The following RANGAP1 variants were observed in gnomAD, a reference collection of about 807,000 sequenced individuals.
RANGAP1 encodes the protein ran GTPase-activating protein 1.
Under a neutral mutation model 63.5 loss-of-function variants are expected in RANGAP1, and 38 were observed. The ratio of observed to expected loss-of-function variants is 0.60; its 90% confidence interval spans 0.46 to 0.78. The LOEUF (loss-of-function observed/expected upper bound fraction) is 0.78, where lower values mean the gene tolerates loss of function less well. Among genes scored for constraint, RANGAP1 ranks in the 30% least tolerant of loss-of-function variants. The pLI, the probability that RANGAP1 is intolerant of heterozygous loss-of-function variation, is 0.00. For missense variants in RANGAP1, 630 were observed against 740.3 expected, an observed-to-expected ratio of 0.85 and a Z score of 1.73; for synonymous variants, 329 against 310.5, an observed-to-expected ratio of 1.06 and a Z score of -0.63.
At position 41,277,999 on chromosome 22, in the gene RANGAP1, G is replaced by T. The variant is rs368306524; in HGVS notation, c.112+2934C>A. On this transcript the variant is annotated intron_variant, in intron 2 of 15. Coordinates refer to ENST00000356244, the MANE Select transcript of RANGAP1 (RefSeq NM_002883.4). ...ATTCAGCCTGTGCTGGGAGAGTAAA[G>T]AAGTTAACTGGATGGATTTCAGAGC... 1.1e-4 allele frequency among the ~76,000 whole-genome samples: 17 copies of T among 150,738 alleles called. 1 individual carries two copies. In the East Asian group the frequency reaches 2.7e-3, roughly 24 times the overall value.
At chr22:41,274,545 T>C in intron 3 of RANGAP1, 55 bp downstream of exon 3, 1 of 1,604,136 alleles carries the variant, frequency 6.2e-7, no homozygotes, top group South Asian at 1.1e-5. Flanking sequence ...GTTGTGGAAG[T>C]GTGAACAGAA....
chr22:41,265,531 C>T (rs775766043), intron 4 of RANGAP1, among the ~76,000 whole-genome samples: 13 of 152,062 alleles, frequency 8.5e-5, no homozygotes, highest in Non-Finnish European at 1.6e-4. Context: ...GTTCCCTGTT[C>T]GTGCAGGAGG....
the RANGAP1 span, among the ~76,000 whole-genome samples, chr22:41,297,946 G>A: frequency 1.3e-5 from 2 of 150,924 alleles, no homozygotes; most frequent in East Asian, 3.9e-4. Context: ...TACAACGTCC[G>A]CCTCCTGGGT....
Position 41,256,036 on chromosome 22 carries a change from A to C in RANGAP1, c.1058T>G (p.Val353Gly). The C allele has an allele frequency of 6.2e-7, 1 of 1,613,768 alleles. No homozygotes were observed. The highest frequency in any genetic ancestry group is 2.2e-5 in the East Asian group (1 of 44,880). The change falls in exon 10 of 16, where the codon GTG becomes GGG. Residue 353 changes from valine (V) to glycine (G), a missense_variant. Coordinates refer to ENST00000356244, the MANE Select transcript of RANGAP1 (RefSeq NM_002883.4). The part of the protein sequence containing the change: ...EVLEGFNMAK[V>G]LASLSDDEDE... Reference sequence around the variant, plus strand: ...AGTTCCCTACCTGAGGGACGCCAGCACCTTGGCCATGTTGAAGCCCTCCAG... The same window carrying C: ...AGTTCCCTACCTGAGGGACGCCAGCCCCTTGGCCATGTTGAAGCCCTCCAG...
In RANGAP1 at chr22:41,257,745, G is replaced by A. The variant is rs1282058447; in HGVS notation, c.774+203C>T. On this transcript the variant is annotated intron_variant, in intron 7 of 15. Transcript: ENST00000356244. The surrounding 1 kb of genome is among the most constrained non-coding windows in gnomAD (Gnocchi z 4.0). ...GGAGAAGGTGGCATGAAGAATCAGA[G>A]CTGCCCGAGGAGGGCGTGGGTTACC... Among the ~76,000 whole-genome samples the A allele has an allele frequency of 6.6e-6, 1 of 152,338 alleles. No individual in the cohort carries two copies. Among genetic ancestry groups the A allele is most frequent in the East Asian group, 1.9e-4 (1 of 5,186 alleles).
At chr22:41,249,493 AC>A (rs1246061089) in intron 14 of RANGAP1, 42 bp from the exon 15 acceptor site, 2 of 1,507,340 alleles carry the variant, frequency 1.3e-6, no homozygotes, top group African/African-American at 2.6e-5. Flanking sequence ...CTTCAAAGTC[AC>A]CTGGGGGGGC....
chr22:41,270,917 C>T (rs1049023615), intron 3 of RANGAP1, among the ~76,000 whole-genome samples: 2 of 145,640 alleles, frequency 1.4e-5, no homozygotes, highest in African/African-American at 4.9e-5. Flanking sequence ...AACAAAGCTC[C>T]CCAAACCTAA....
At chr22:41,295,171 C>T in the RANGAP1 span, among the ~76,000 whole-genome samples, 2 of 150,634 alleles carry the variant, frequency 1.3e-5, no homozygotes, top group African/African-American at 4.9e-5. Context: ...AGCCCCTCTG[C>T]CCGGCCACCA....
At chr22:41,288,794 G>T (rs956354640), upstream of RANGAP1, among the ~76,000 whole-genome samples, 70 of 151,198 alleles carry the variant, frequency 4.6e-4, no homozygotes, top group South Asian at 2.3e-3. Flanking sequence ...TCGGGGCTTG[G>T]TGGGGCTTGG....
intron 1 of RANGAP1, 193 bp downstream of exon 1, chr22:41,285,793 C>T: frequency 1.2e-6 from 1 of 819,754 alleles, no homozygotes; most frequent in Non-Finnish European, 1.5e-6. Flanking sequence ...CCTCAGTTTC[C>T]CCATTTGTGA....
Position 41,249,721 on chromosome 22 carries a change from G to C in RANGAP1, c.1572+8C>G. On this transcript the variant is annotated splice_region_variant and intron_variant, in intron 14 of 15. Transcript: ENST00000356244. ...CCCTCCCGGGCCTGCTGTTCCTTCC[G>C]GCCTCACCTTGAGCAGACCCATGTG... 6.2e-7 allele frequency: 1 copy of C among 1,610,356 alleles called. No homozygotes were observed. The highest frequency in any genetic ancestry group is 8.5e-7 in the Non-Finnish European group (1 of 1,176,640).
At chr22:41,279,395 G>C (rs186341086) in intron 2 of RANGAP1, among the ~76,000 whole-genome samples, 1 of 151,042 alleles carries the variant, frequency 6.6e-6, no homozygotes, top group South Asian at 2.1e-4. Context: ...GCGTGAACCA[G>C]GGAGGCAGAG....
chr22:41,265,790 G>A (rs1310068479), intron 4 of RANGAP1, among the ~76,000 whole-genome samples: 2 of 152,182 alleles, frequency 1.3e-5, no homozygotes, highest in African/African-American at 4.8e-5. Flanking sequence ...AATGTGGAAG[G>A]GAGACTTTCT....
intron 2 of RANGAP1, among the ~76,000 whole-genome samples, chr22:41,279,373 G>C (rs575802607): frequency 6.6e-6 from 1 of 152,000 alleles, no homozygotes; most frequent in African/African-American, 2.4e-5. Flanking sequence ...AGGAGGCTGA[G>C]GCAGGAGAAT....
chr22:41,254,243 A>C (rs1028826916), intron 11 of RANGAP1, 65 bp downstream of exon 11: 4 of 1,591,742 alleles, frequency 2.5e-6, no homozygotes, highest in Middle Eastern at 3.3e-4. Context: ...CCCATTGTGA[A>C]AGTGCCTCGG....
chr22:41,254,244 A>G (rs1356795290), intron 11 of RANGAP1, 64 bp downstream of exon 11: 1 of 1,591,850 alleles, frequency 6.3e-7, no homozygotes, highest in African/African-American at 1.3e-5. Context: ...CCATTGTGAA[A>G]GTGCCTCGGG....
At chr22:41,278,775 C>T (rs977637766) in intron 2 of RANGAP1, among the ~76,000 whole-genome samples, 1 of 152,206 alleles carries the variant, frequency 6.6e-6, no homozygotes, top group African/African-American at 2.4e-5. Context: ...TCAAAGTGGG[C>T]GGATCACCTG....
chr22:41,277,603 G>A, intron 2 of RANGAP1: 1 of 864,566 alleles, frequency 1.2e-6, no homozygotes, highest in South Asian at 1.7e-5. Context: ...TCTTGAGAAA[G>A]GACTTATAAC....
intron 1 of RANGAP1, among the ~76,000 whole-genome samples, chr22:41,283,090 T>C (rs2035578461): frequency 6.6e-6 from 1 of 152,026 alleles, no homozygotes; most frequent in South Asian, 2.1e-4. Flanking sequence ...CAAAAACACA[T>C]TGATTACTAC....
Sources: gnomAD v4.1 joint callset for allele counts (sites outside exome capture counted in the v4.1 genomes callset) on GRCh38, gnomAD v4.1.1 for gene constraint, Gnocchi (gnomAD v3.1) non-coding constraint, MANE v1.5 for transcripts, NCBI Gene and HGNC (gene_info 2026-07-23, HGNC 2026-07-21) for gene names.